The following SIL1 variants were observed in gnomAD, a reference collection of about 807,000 sequenced individuals.
The protein encoded by SIL1 is nucleotide exchange factor SIL1.
Under a neutral mutation model 49.1 loss-of-function variants are expected in SIL1, and 40 were observed. That is an observed-to-expected ratio of 0.81 (90% CI 0.63 to 1.06). The LOEUF (loss-of-function observed/expected upper bound fraction) is 1.06. Among genes scored for constraint, SIL1 ranks in the 50% least tolerant of loss-of-function variants. The pLI, the probability that SIL1 is intolerant of heterozygous loss-of-function variation, is 0.00. For missense variants in SIL1, 500 were observed against 572.6 expected (o/e 0.87, Z 1.29); for synonymous variants, 253 against 250.8 (o/e 1.01, Z -0.08).
intron 1 of SIL1, chr5:139,133,184 A>C (rs1750901382): frequency 6.6e-6 from 1 of 152,144 alleles, no homozygotes; most frequent in South Asian, 2.1e-4. Context: ...AGGGGAAACT[A>C]TTTCAGTGTC....
chr5:139,188,020 T>C (rs1752106471), intron 1 of SIL1: 1 of 152,968 alleles, frequency 6.5e-6, no homozygotes, highest in African/African-American at 2.4e-5. Flanking sequence ...TGATGGTAAG[T>C]TTCCTGAGGC....
intron 1 of SIL1, among the ~76,000 whole-genome samples, chr5:139,175,891 A>C (rs1387874630): frequency 6.6e-6 from 1 of 152,052 alleles, no homozygotes; most frequent in East Asian, 1.9e-4. Context: ...TGAACCCGGG[A>C]GGTGGAGGTT....
chr5:138,995,945 G>A (rs576625280), intron 7 of SIL1, among the ~76,000 whole-genome samples: 27 of 152,228 alleles, frequency 1.8e-4, no homozygotes, highest in African/African-American at 5.5e-4. Flanking sequence ...TCCACTGATG[G>A]GCATTTTGGT....
intron 1 of SIL1, among the ~76,000 whole-genome samples, chr5:139,132,434 C>T (rs755008188): frequency 1.3e-5 from 2 of 152,210 alleles, no homozygotes; most frequent in East Asian, 1.9e-4. Context: ...CCTTCATCTT[C>T]CCTCAATAAT....
intron 7 of SIL1, among the ~76,000 whole-genome samples, chr5:139,013,012 A>G (rs1004026321): frequency 2.0e-5 from 3 of 152,174 alleles, no homozygotes; most frequent in South Asian, 2.1e-4. Flanking sequence ...TTCATCTTAA[A>G]TATCTTTTAA....
intron 3 of SIL1, among the ~76,000 whole-genome samples, chr5:139,097,018 T>C (rs1446822444): frequency 1.3e-5 from 2 of 152,034 alleles, no homozygotes; most frequent in African/African-American, 4.8e-5. Flanking sequence ...TTAAGAGCCC[T>C]TGGGCCTTAA....
chr5:139,051,153 G>C, intron 3 of SIL1, 107 bp from the exon 4 acceptor site: 2 of 952,488 alleles, frequency 2.1e-6, no homozygotes, highest in Middle Eastern at 2.3e-4. Context: ...ACACGACTCA[G>C]CTGTGTTCAG....
In SIL1 at chr5:139,032,471, T is replaced by G. The variant is rs550650723; in HGVS notation, c.454-5479A>C. 1.0e-3 allele frequency among the ~76,000 whole-genome samples: 153 copies of G among 152,356 alleles called. 1 individual carries two copies. Among genetic ancestry groups the G allele is most frequent in the Non-Finnish European group, 1.8e-3 (120 of 68,032 alleles). ...TTACATATTGCTGGATTTGATTGGC[T>G]AAATTTTGGTGAGGATTTTTGTTTC... is the stretch of plus-strand genomic sequence containing the variant. On this transcript the variant is annotated intron_variant, in intron 5 of 9. Transcript: ENST00000394817.
At chr5:139,123,797 T>C (rs1581118198) in intron 2 of SIL1, among the ~76,000 whole-genome samples, 1 of 152,238 alleles carries the variant, frequency 6.6e-6, no homozygotes, top group African/African-American at 2.4e-5. Context: ...TCTACCACTG[T>C]CACGCAGGCA....
At chr5:139,149,362 C>A (rs1751255235) in intron 1 of SIL1, among the ~76,000 whole-genome samples, 2 of 152,206 alleles carry the variant, frequency 1.3e-5, no homozygotes, top group South Asian at 2.1e-4. Context: ...AGGGACCATA[C>A]AACAAGTTGC....
intron 7 of SIL1, among the ~76,000 whole-genome samples, chr5:138,987,314 T>C (rs1581008464): frequency 6.6e-6 from 1 of 151,742 alleles, no homozygotes; most frequent in East Asian, 1.9e-4. Flanking sequence ...GGTTTCACCA[T>C]GTTGGCCAGG....
intron 3 of SIL1, among the ~76,000 whole-genome samples, chr5:139,102,033 T>C (rs61140823): frequency 0.05 from 7,619 of 152,224 alleles, 614 homozygotes; most frequent in African/African-American, 0.17. Flanking sequence ...AGACACGCAC[T>C]TGGGTGTGAA....
chr5:139,195,275 C>A (rs548102263), intron 1 of SIL1, among the ~76,000 whole-genome samples: 1 of 152,232 alleles, frequency 6.6e-6, no homozygotes, highest in African/African-American at 2.4e-5. Flanking sequence ...AACGGCAAAT[C>A]TTCATTCTTT....
At chr5:139,084,891 G>T (rs1303951967) in intron 3 of SIL1, among the ~76,000 whole-genome samples, 3 of 151,968 alleles carry the variant, frequency 2.0e-5, no homozygotes, top group African/African-American at 7.3e-5. Flanking sequence ...AATTAACAAG[G>T]GCACAGTTTT....
At chr5:139,140,209 G>T (rs1581129035) in intron 1 of SIL1, among the ~76,000 whole-genome samples, 2 of 152,066 alleles carry the variant, frequency 1.3e-5, no homozygotes, top group Non-Finnish European at 2.9e-5. Context: ...GGCGGAGGTT[G>T]CAGTGAGCCG....
intron 7 of SIL1, among the ~76,000 whole-genome samples, chr5:139,003,704 G>C (rs762613355): frequency 1.3e-4 from 20 of 152,184 alleles, no homozygotes; most frequent in Non-Finnish European, 2.2e-4. Flanking sequence ...AACAGAGAAA[G>C]AGAGAGAAAC....
intron 7 of SIL1, among the ~76,000 whole-genome samples, chr5:138,952,657 T>C (rs1430585432): frequency 6.6e-6 from 1 of 152,176 alleles, no homozygotes. Flanking sequence ...AACATATCAA[T>C]AGATAAACAT....
chr5:139,129,694 T>C (rs1017292185), intron 1 of SIL1, among the ~76,000 whole-genome samples: 3 of 152,076 alleles, frequency 2.0e-5, no homozygotes, highest in Non-Finnish European at 2.9e-5. Context: ...AAGAGTACAG[T>C]TGGACCCTTA....
intron 3 of SIL1, among the ~76,000 whole-genome samples, chr5:139,056,566 C>T (rs1488880376): frequency 6.6e-6 from 1 of 150,658 alleles, no homozygotes; most frequent in South Asian, 2.1e-4. Flanking sequence ...AGCCCCCCGA[C>T]CGGCCAGCCG....
Sources: gnomAD v4.1 joint callset for allele counts (sites outside exome capture counted in the v4.1 genomes callset) on GRCh38, gnomAD v4.1.1 for gene constraint, MANE v1.5 for transcripts, NCBI Gene and HGNC (gene_info 2026-07-23, HGNC 2026-07-21) for gene names.